The following EXTL3 variants were observed in gnomAD, a reference collection of about 807,000 sequenced individuals.
EXTL3 encodes the protein exostosin-like 3.
In EXTL3, 27 loss-of-function variants were observed where a neutral mutation model predicts 69.3. The observed-to-expected ratio is 0.39, with a 90% confidence interval of 0.29 to 0.54. The LOEUF (loss-of-function observed/expected upper bound fraction) is 0.54. Among genes scored for constraint, EXTL3 ranks in the 20% least tolerant of loss-of-function variants. EXTL3 has a pLI of 0.69. For missense variants in EXTL3, 1,003 were observed against 1,231.8 expected (o/e 0.81, Z 2.78); for synonymous variants, 511 against 499.4 (o/e 1.02, Z -0.31).
At chr8:28,664,135 G>A (rs893832488) in intron 1 of EXTL3, among the ~76,000 whole-genome samples, 5 of 152,194 alleles carry the variant, frequency 3.3e-5, no homozygotes, top group Non-Finnish European at 7.3e-5. Flanking sequence ...GGATTTGGCG[G>A]GCTGTCATGG....
upstream of EXTL3, chr8:28,697,167 A>G (rs1800698059): frequency 6.6e-6 from 1 of 152,190 alleles, no homozygotes; most frequent in Non-Finnish European, 1.5e-5. Context: ...ATAGAACCTT[A>G]AATATATTTC....
rs71549685 is a variant in EXTL3 at position 28,668,259 on chromosome 8, CAA to C, written c.-52-45183_-52-45182del. Among the ~76,000 whole-genome samples, 618 of 64,240 alleles carry C rather than the reference CAA, an allele frequency of 9.6e-3. 2 individuals carry two copies. Among genetic ancestry groups the C allele is most frequent in the African/African-American group, 0.025 (552 of 21,856 alleles). 42.1% of individuals were successfully genotyped at this position (64,240 alleles called of 152,430 possible). The stretch of plus-strand genomic sequence containing the variant: ...TCCAACAAAATATGAGGTCCTGTCT[CAA>C]AAAAAAAAAAAAAAGAAAAGAAAAA... On this transcript the variant is annotated intron_variant, in intron 1 of 6. Coordinates refer to the EXTL3 transcript ENST00000523149.
Position 28,713,462 on chromosome 8 carries a change from C to T in EXTL3, c.-564C>T. 1 of 683,476 alleles carries T rather than the reference C, an allele frequency of 1.5e-6. No homozygotes were observed. Among genetic ancestry groups the T allele is most frequent in the Non-Finnish European group, 2.6e-6 (1 of 379,190 alleles). 42.3% of individuals were successfully genotyped at this position (683,476 alleles called of 1,614,324 possible). Reference sequence around the variant, plus strand: ...TGTTTTTTTTTTTAAATCAGGAGAGCAAGCCCTGGAGGTTCACTCTTTCAA... The same window carrying T: ...TGTTTTTTTTTTTAAATCAGGAGAGTAAGCCCTGGAGGTTCACTCTTTCAA... On this transcript the variant is annotated 5_prime_UTR_variant, in exon 2 of 7. Transcript: ENST00000220562.
intron 3 of EXTL3, among the ~76,000 whole-genome samples, chr8:28,724,605 T>TA (rs752641030): frequency 1.5e-3 from 160 of 110,036 alleles, no homozygotes; most frequent in South Asian, 7.9e-3. Flanking sequence ...GTCTCTGCTT[T>TA]AAAAAAAAAA....
intron 3 of EXTL3, among the ~76,000 whole-genome samples, chr8:28,725,400 G>A (rs1585281787): frequency 6.6e-6 from 1 of 151,834 alleles, no homozygotes. Flanking sequence ...GAGGTGGATG[G>A]GTTTTTTGCT....
chr8:28,736,860 TG>T (rs1194614728), intron 4 of EXTL3, among the ~76,000 whole-genome samples: 1 of 152,192 alleles, frequency 6.6e-6, no homozygotes, highest in African/African-American at 2.4e-5. Flanking sequence ...CCAAGGGAGG[TG>T]GTGCAATCAT....
At chr8:28,713,372 C>A (rs1341260727) in intron 1 of EXTL3, 85 bp from the exon 2 acceptor site, 7 of 618,006 alleles carry the variant, frequency 1.1e-5, no homozygotes, top group Non-Finnish European at 2.0e-5. Context: ...TAAATAGGTT[C>A]TTTAATAGCA....
At chr8:28,739,319 A>G (rs1293504389) in intron 5 of EXTL3, among the ~76,000 whole-genome samples, 1 of 152,024 alleles carries the variant, frequency 6.6e-6, no homozygotes, top group Non-Finnish European at 1.5e-5. Flanking sequence ...AATAAAATTC[A>G]TTTTTATAGG....
chr8:28,750,588 C>T lies in EXTL3; in HGVS notation c.2551-69C>T, dbSNP rs957414836. The stretch of plus-strand genomic sequence containing the variant: ...CACCATGGACATGGGAGTGTGGGAT[C>T]GGCTCAGCTGCAAGGGTTCTGTCAG... On this transcript the variant is annotated intron_variant, in intron 6 of 6. Coordinates refer to ENST00000220562, the MANE Select transcript of EXTL3 (RefSeq NM_001440.4). The surrounding 1 kb of genome is among the most constrained non-coding windows in gnomAD (Gnocchi z 5.2). 2.2e-5 allele frequency: 28 copies of T among 1,265,834 alleles called. No individual in the cohort carries two copies. Among genetic ancestry groups the T allele is most frequent in the African/African-American group, 2.9e-5 (2 of 68,112 alleles). 78.4% of individuals were successfully genotyped at this position (1,265,834 alleles called of 1,614,324 possible).
At chr8:28,612,118 G>A (rs764761664) in intron 2 of EXTL3, among the ~76,000 whole-genome samples, 11 of 152,222 alleles carry the variant, frequency 7.2e-5, no homozygotes, top group Admixed American at 2.0e-4. Flanking sequence ...ATCTCCTATC[G>A]TAACTTTTTG....
chr8:28,713,807 A>G (rs1458035464), intron 2 of EXTL3, among the ~76,000 whole-genome samples: 1 of 151,910 alleles, frequency 6.6e-6, no homozygotes, highest in Admixed American at 6.5e-5. Context: ...ATGTCTTGTC[A>G]GGTGTTCTTT....
intron 3 of EXTL3, among the ~76,000 whole-genome samples, chr8:28,728,529 ACAGAT>A (rs1388356663): frequency 2.0e-5 from 3 of 152,188 alleles, no homozygotes. Context: ...CGAATCTGTT[ACAGAT>A]CCTTCTTTGT....
At chr8:28,719,464 C>G (rs1372864306) in intron 3 of EXTL3, among the ~76,000 whole-genome samples, 2 of 152,194 alleles carry the variant, frequency 1.3e-5, no homozygotes, top group South Asian at 4.1e-4. Context: ...TACATCATTT[C>G]TGTTTGTGTC....
At chr8:28,749,044 G>T (rs2130803419) in intron 6 of EXTL3, among the ~76,000 whole-genome samples, 1 of 152,164 alleles carries the variant, frequency 6.6e-6, no homozygotes, top group African/African-American at 2.4e-5. Flanking sequence ...CTCAGCAGAG[G>T]AAGTTCCCAC....
chr8:28,724,605 TA>T (rs752641030), intron 3 of EXTL3, among the ~76,000 whole-genome samples: 233 of 109,846 alleles, frequency 2.1e-3, no homozygotes, highest in Non-Finnish European at 2.2e-3. Context: ...GTCTCTGCTT[TA>T]AAAAAAAAAA....
At chr8:28,627,907 T>G (rs1806516723) in intron 1 of EXTL3, among the ~76,000 whole-genome samples, 1 of 151,352 alleles carries the variant, frequency 6.6e-6, no homozygotes. Context: ...ACAGAAAGCA[T>G]GGGGGTTGCC....
chr8:28,608,078 C>T (rs1475889035), intron 2 of EXTL3, among the ~76,000 whole-genome samples: 1 of 151,226 alleles, frequency 6.6e-6, no homozygotes, highest in Non-Finnish European at 1.5e-5. Flanking sequence ...CCACTGCACT[C>T]CAGCCTGGGC....
Position 28,641,706 on chromosome 8 carries a change from C to G in EXTL3, c.-53+18896C>G, listed in dbSNP as rs552079256. ...CAGGCTGGTCTCAAACTCCTGACCT[C>G]AAGTGATCCACCCCCTCCCCGACCC... On this transcript the variant is annotated intron_variant, in intron 1 of 6. Transcript: ENST00000523149. Among the ~76,000 whole-genome samples the G allele has an allele frequency of 3.3e-5, 5 of 152,258 alleles. No homozygotes were observed. In the East Asian group the frequency reaches 7.7e-4, roughly 24 times the overall value.
intron 1 of EXTL3, among the ~76,000 whole-genome samples, chr8:28,625,694 G>T (rs1286021450): frequency 6.6e-6 from 1 of 152,058 alleles, no homozygotes; most frequent in Non-Finnish European, 1.5e-5. Context: ...GATCTAGTTG[G>T]GGAAATCAAC....
Sources: allele counts gnomAD v4.1 joint callset (sites outside exome capture counted in the v4.1 genomes callset), GRCh38; gene constraint gnomAD v4.1.1; non-coding constraint Gnocchi (gnomAD v3.1); transcripts MANE v1.5; gene names NCBI Gene and HGNC (gene_info 2026-07-23, HGNC 2026-07-21).